The following GRIN2A variants were observed in gnomAD, a reference collection of about 807,000 sequenced individuals.
GRIN2A encodes the protein glutamate receptor ionotropic, NMDA 2A.
Under a neutral mutation model 113.4 loss-of-function variants are expected in GRIN2A, and 22 were observed. That is an observed-to-expected ratio of 0.19 (90% confidence interval 0.14 to 0.28). GRIN2A has a LOEUF of 0.28. GRIN2A is among the 10% of genes least tolerant of loss of function. The probability of loss-of-function intolerance (pLI) is 1.00; values close to 1 mark genes in which losing one functional copy is unlikely to be tolerated. For missense variants in GRIN2A, 1,502 were observed against 1,887.0 expected (o/e 0.80, Z 3.78); for synonymous variants, 827 against 738.4 (o/e 1.12, Z -1.94).
chr16:10,152,346 T>G (rs2049598827), intron 2 of GRIN2A, among the ~76,000 whole-genome samples: 1 of 152,230 alleles, frequency 6.6e-6, no homozygotes, highest in African/African-American at 2.4e-5. Flanking sequence ...GTGTCTTTAT[T>G]CATGCTGTTT....
intron 2 of GRIN2A, among the ~76,000 whole-genome samples, chr16:9,942,493 G>A (rs1567190902): frequency 6.6e-6 from 1 of 152,290 alleles, no homozygotes; most frequent in East Asian, 1.9e-4. Flanking sequence ...TGTGAGAATG[G>A]GATGAAAAGG....
intron 2 of GRIN2A, among the ~76,000 whole-genome samples, chr16:10,018,836 A>G (rs1310198228): frequency 6.6e-6 from 1 of 152,112 alleles, no homozygotes; most frequent in African/African-American, 2.4e-5. Context: ...CACCTTGGAA[A>G]TCCTCATTGT....
At chr16:9,804,138 A>C (rs955587720) in intron 10 of GRIN2A, among the ~76,000 whole-genome samples, 2 of 152,156 alleles carry the variant, frequency 1.3e-5, no homozygotes, top group Non-Finnish European at 1.5e-5. Context: ...CTTGTTGAAG[A>C]TGGAGGGTAA....
At position 9,891,001 on chromosome 16, in the gene GRIN2A, G is replaced by T. The variant is rs369655584; in HGVS notation, c.1107C>A (p.Asp369Glu). Residue 369 changes from aspartate (D) to glutamate (E), a missense_variant, in exon 4 of 13, where the codon GAC becomes GAA. Physicochemically the swap from Asp to Glu is conservative, Grantham distance 45. This residue lies in a region of GRIN2A where 334 missense variants were observed against 403.0 expected (regional missense o/e 0.83). Coordinates refer to ENST00000330684, the MANE Select transcript of GRIN2A (RefSeq NM_001134407.3). ...PRLVVIVLNK[D>E]REWEKVGKWE... ...GGATGCTCACCTTTTCCCATTCCCG[G>T]TCTTTGTTCAGCACAATCACCACCA... 3 of 1,607,574 alleles carry T rather than the reference G, an allele frequency of 1.9e-6. No homozygotes were observed. The highest frequency in any genetic ancestry group is 2.7e-5 in the African/African-American group (2 of 74,732).
At chr16:9,793,936 C>CTGTAA (rs2141216939) in intron 11 of GRIN2A, among the ~76,000 whole-genome samples, 1 of 152,272 alleles carries the variant, frequency 6.6e-6, no homozygotes, top group South Asian at 2.1e-4. Flanking sequence ...GCCTACTGGA[C>CTGTAA]TGTAAGTTCA....
intron 2 of GRIN2A, among the ~76,000 whole-genome samples, chr16:9,939,518 G>A (rs1000299370): frequency 1.3e-5 from 2 of 152,160 alleles, no homozygotes; most frequent in African/African-American, 4.8e-5. Flanking sequence ...ACCCATCTAC[G>A]ATTGTGAGAA....
At chr16:9,890,207 G>C (rs1469541255) in intron 4 of GRIN2A, among the ~76,000 whole-genome samples, 1 of 152,176 alleles carries the variant, frequency 6.6e-6, no homozygotes, top group Non-Finnish European at 1.5e-5. Flanking sequence ...AAAAAAATAA[G>C]ATAACAACGT....
chr16:9,953,998 T>C (rs1384735442), intron 2 of GRIN2A, among the ~76,000 whole-genome samples: 1 of 152,136 alleles, frequency 6.6e-6, no homozygotes, highest in Non-Finnish European at 1.5e-5. Flanking sequence ...AGAATTTCTC[T>C]GAATACTGGG....
chr16:10,135,622 A>G (rs2049176538), intron 2 of GRIN2A, among the ~76,000 whole-genome samples: 1 of 152,236 alleles, frequency 6.6e-6, no homozygotes, highest in Admixed American at 6.5e-5. Context: ...GGAGACATAT[A>G]TTAAGAAATA....
At position 10,081,489 on chromosome 16, in the gene GRIN2A, C is replaced by A. The variant is rs183624991; in HGVS notation, c.414+98509G>T. On this transcript the variant is annotated intron_variant, in intron 2 of 12. Transcript: ENST00000330684. ...TGGCTGGAAATGGCAAGAACAAGCA[C>A]TGAAGATTAATGCTCTAAATTTTTT... 1.3e-3 allele frequency among the ~76,000 whole-genome samples: 202 copies of A among 152,288 alleles called. 1 individual carries two copies. The highest frequency in any genetic ancestry group is 3.4e-3 in the Middle Eastern group (1 of 294).
chr16:10,042,964 C>G (rs1028312648), intron 2 of GRIN2A, among the ~76,000 whole-genome samples: 1 of 152,180 alleles, frequency 6.6e-6, no homozygotes, highest in Non-Finnish European at 1.5e-5. Flanking sequence ...CTGAATCCAT[C>G]AGTCCCCAAC....
chr16:10,101,885 C>T (rs1201517831), intron 2 of GRIN2A, among the ~76,000 whole-genome samples: 1 of 152,140 alleles, frequency 6.6e-6, no homozygotes, highest in African/African-American at 2.4e-5. Flanking sequence ...AAAATCTATT[C>T]AAAGTTTAGT....
chr16:9,962,362 A>G (rs1199341451), intron 2 of GRIN2A, among the ~76,000 whole-genome samples: 1 of 152,160 alleles, frequency 6.6e-6, no homozygotes, highest in African/African-American at 2.4e-5. Context: ...CAACCTACTC[A>G]TCTGACAAAG....
At chr16:9,782,205 T>C (rs1322240056) in intron 11 of GRIN2A, among the ~76,000 whole-genome samples, 1 of 152,228 alleles carries the variant, frequency 6.6e-6, no homozygotes, top group East Asian at 1.9e-4. Context: ...CAGACTTTTT[T>C]TTCTTGTCAT....
chr16:9,823,828 C>T (rs557600779), intron 9 of GRIN2A, among the ~76,000 whole-genome samples: 1 of 152,230 alleles, frequency 6.6e-6, no homozygotes, highest in South Asian at 2.1e-4. Context: ...TTAACTCTAT[C>T]ATTCCTCAGA....
intron 2 of GRIN2A, among the ~76,000 whole-genome samples, chr16:9,996,789 G>C (rs1279708548): frequency 1.3e-5 from 2 of 152,080 alleles, no homozygotes; most frequent in African/African-American, 2.4e-5. Flanking sequence ...CTCAATGATG[G>C]AGAGATGAAT....
intron 2 of GRIN2A, chr16:10,112,704 G>A (rs1237557353): frequency 1.3e-6 from 1 of 746,692 alleles, no homozygotes; most frequent in Admixed American, 1.7e-5. Context: ...TGTGCAGGGT[G>A]TCTCGGCCTC....
intron 2 of GRIN2A, among the ~76,000 whole-genome samples, chr16:9,939,989 T>C (rs935982179): frequency 6.7e-6 from 1 of 148,888 alleles, no homozygotes; most frequent in Non-Finnish European, 1.5e-5. Flanking sequence ...GAACACAACC[T>C]CAACAAGATA....
At chr16:9,918,643 A>T (rs978489184) in intron 3 of GRIN2A, among the ~76,000 whole-genome samples, 1 of 152,218 alleles carries the variant, frequency 6.6e-6, no homozygotes. Context: ...GTCTGAAATT[A>T]AAGTCCAAAG....
Sources: gnomAD v4.1 joint callset for allele counts (sites outside exome capture counted in the v4.1 genomes callset) on GRCh38, gnomAD v4.1.1 for gene constraint, gnomAD v4.1.1 regional missense constraint, MANE v1.5 for transcripts, NCBI Gene and HGNC (gene_info 2026-07-23, HGNC 2026-07-21) for gene names.